The following UGT8 variants were observed in gnomAD, a reference collection of about 807,000 sequenced individuals.
The protein encoded by UGT8 is 2-hydroxyacylsphingosine 1-beta-galactosyltransferase.
Under a neutral mutation model 40.5 loss-of-function variants are expected in UGT8, and 12 were observed. The ratio of observed to expected loss-of-function variants is 0.30; its 90% CI spans 0.19 to 0.48. The LOEUF is 0.48. UGT8 is among the 20% of genes least tolerant of loss of function. UGT8 has a pLI of 0.99. For synonymous variants in UGT8, 224 were observed against 240.4 expected (o/e 0.93, Z 0.63); for missense variants, 513 against 648.7 (o/e 0.79, Z 2.27).
intron 2 of UGT8, among the ~76,000 whole-genome samples, chr4:114,650,643 T>C (rs371509423): frequency 5.9e-5 from 9 of 152,224 alleles, no homozygotes; most frequent in Admixed American, 3.9e-4. Context: ...ATTGTTTTCC[T>C]GGGGATGTTT....
At chr4:114,654,854 C>T (rs564180230) in intron 2 of UGT8, among the ~76,000 whole-genome samples, 3 of 152,190 alleles carry the variant, frequency 2.0e-5, no homozygotes, top group East Asian at 1.9e-4. Flanking sequence ...GGACGTAGCA[C>T]CTCTTGATGG....
intron 2 of UGT8, among the ~76,000 whole-genome samples, chr4:114,638,460 G>T (rs1298004641): frequency 6.6e-6 from 1 of 152,114 alleles, no homozygotes; most frequent in East Asian, 1.9e-4. Flanking sequence ...AGACCCTCTG[G>T]AGAGCCCAGT....
intron 1 of UGT8, among the ~76,000 whole-genome samples, chr4:114,603,242 C>T (rs1392549221): frequency 1.3e-5 from 2 of 152,056 alleles, no homozygotes; most frequent in African/African-American, 4.8e-5. Flanking sequence ...TATAGAAAAT[C>T]GAACTGGAGA....
At chr4:114,628,199 G>A (rs1219726778) in intron 2 of UGT8, among the ~76,000 whole-genome samples, 1 of 152,032 alleles carries the variant, frequency 6.6e-6, no homozygotes, top group Non-Finnish European at 1.5e-5. Flanking sequence ...AAGTGCAGTG[G>A]CATGATCTTG....
chr4:114,599,219 GC>G (rs1376875897), intron 1 of UGT8, among the ~76,000 whole-genome samples: 2 of 152,118 alleles, frequency 1.3e-5, no homozygotes, highest in African/African-American at 2.4e-5. Context: ...TTTTAGGCTG[GC>G]CCCTCATAGC....
chr4:114,611,429 TATATATATATATATATAC>T lies in UGT8; in HGVS notation c.-2-11448_-2-11431del, dbSNP rs1248338706. 6.4e-4 allele frequency among the ~76,000 whole-genome samples: 30 copies of T among 46,952 alleles called. 1 individual carries two copies. Among genetic ancestry groups the T allele is most frequent in the African/African-American group, 1.5e-3 (28 of 18,560 alleles). The allele number at this position is 46,952 out of a possible 152,430, so 30.8% of individuals were successfully genotyped here. A position where few individuals can be genotyped will look rare whatever the true frequency, so the allele number is the denominator to read the frequency against. On this transcript the variant is annotated intron_variant, in intron 1 of 5. Transcript: ENST00000310836. ...ATATATATATATATATATATATATA[TATATATATATATATATAC>T]ACACACACACAGAGATATTAGATAT... is the stretch of plus-strand genomic sequence containing the variant.
At chr4:114,673,217 A>G (rs139145956) in intron 5 of UGT8, among the ~76,000 whole-genome samples, 1,650 of 152,276 alleles carry the variant, frequency 0.011, 22 homozygotes, top group Admixed American at 0.017. Context: ...TACTGGAAGG[A>G]ATTTTGAGTT....
At chr4:114,624,419 A>G (rs1195277949) in intron 2 of UGT8, among the ~76,000 whole-genome samples, 1 of 152,210 alleles carries the variant, frequency 6.6e-6, no homozygotes, top group Admixed American at 6.5e-5. Context: ...AGCAGAAGCC[A>G]TACACATACC....
intron 3 of UGT8, among the ~76,000 whole-genome samples, chr4:114,664,343 A>G (rs967472659): frequency 1.3e-5 from 2 of 152,234 alleles, no homozygotes; most frequent in Admixed American, 6.5e-5. Context: ...TGACCTATAT[A>G]GCACAGAAAG....
intron 2 of UGT8, among the ~76,000 whole-genome samples, chr4:114,660,856 A>C (rs1379031629): frequency 3.3e-5 from 5 of 150,214 alleles, no homozygotes; most frequent in Non-Finnish European, 5.9e-5. Context: ...GCACCACTGC[A>C]CTCCAGCCTG....
chr4:114,647,076 G>C (rs894287150), intron 2 of UGT8, among the ~76,000 whole-genome samples: 1 of 152,156 alleles, frequency 6.6e-6, no homozygotes, highest in Non-Finnish European at 1.5e-5. Context: ...GACAATTTCA[G>C]TGGTAAATAA....
intron 2 of UGT8, among the ~76,000 whole-genome samples, chr4:114,644,940 G>T (rs751633245): frequency 3.3e-5 from 5 of 151,986 alleles, no homozygotes; most frequent in Non-Finnish European, 5.9e-5. Flanking sequence ...TCCTAATCTG[G>T]TTATTAGCTC....
At position 114,623,474 on chromosome 4, in the gene UGT8, T is replaced by C. The variant is rs747796871; in HGVS notation, c.594T>C (p.Gly198=). The change falls in exon 2 of 6, where the codon GGT becomes GGC. Residue 198 remains glycine, a synonymous_variant. Transcript: ENST00000310836. ...MNLLQRMKNT[G]VYLISRLGVS... The stretch of plus-strand genomic sequence containing the variant: ...TGCTGCAAAGGATGAAAAATACCGG[T>C]GTTTACCTCATTTCCAGATTAGGGG... The C allele has an allele frequency of 3.1e-6, 5 of 1,614,130 alleles. No individual in the cohort carries two copies. In the East Asian group the frequency reaches 6.7e-5, roughly 22 times the overall value.
At chr4:114,631,505 A>G (rs1395783777) in intron 2 of UGT8, among the ~76,000 whole-genome samples, 2 of 152,204 alleles carry the variant, frequency 1.3e-5, no homozygotes, top group Non-Finnish European at 2.9e-5. Context: ...CAACAATAAA[A>G]GAAAAGTAAT....
At chr4:114,598,647 C>G (rs1235804543), upstream of UGT8, 5 of 152,160 alleles carry the variant, frequency 3.3e-5, no homozygotes, top group Admixed American at 6.5e-5. Context: ...GAGCCAAGTG[C>G]GGAAGGGCAG....
chr4:114,670,908 A>G (rs1735227367), intron 5 of UGT8, among the ~76,000 whole-genome samples: 1 of 152,198 alleles, frequency 6.6e-6, no homozygotes, highest in Non-Finnish European at 1.5e-5. Flanking sequence ...TTTTATATTT[A>G]GAAAACCGCA....
At chr4:114,655,881 G>C (rs368955008) in intron 2 of UGT8, among the ~76,000 whole-genome samples, 30 of 152,100 alleles carry the variant, frequency 2.0e-4, no homozygotes, top group African/African-American at 7.2e-4. Context: ...ATGTCTTTAG[G>C]CTCCTTCTTG....
chr4:114,654,236 A>G (rs1734043018), intron 2 of UGT8, among the ~76,000 whole-genome samples: 1 of 152,054 alleles, frequency 6.6e-6, no homozygotes, highest in African/African-American at 2.4e-5. Context: ...AAAGTCACAA[A>G]GTAGGTATTC....
At chr4:114,601,020 A>G (rs1363754861) in intron 1 of UGT8, among the ~76,000 whole-genome samples, 1 of 152,196 alleles carries the variant, frequency 6.6e-6, no homozygotes, top group African/African-American at 2.4e-5. Context: ...ATACTCTATT[A>G]GGAGGTTGGG....
Sources: gnomAD v4.1 joint callset for allele counts (sites outside exome capture counted in the v4.1 genomes callset) on GRCh38, gnomAD v4.1.1 for gene constraint, MANE v1.5 for transcripts, NCBI Gene and HGNC (gene_info 2026-07-23, HGNC 2026-07-21) for gene names.